Variants in RAD51 observed in about 807,000 individuals in gnomAD.
RAD51 encodes the protein RAD51 recombinase.
RAD51 carries 14 observed loss-of-function variants against 41.5 expected under a neutral mutation model. That is an observed-to-expected ratio of 0.34 (90% CI 0.22 to 0.53). RAD51 has a LOEUF of 0.53. Ranked by LOEUF, RAD51 falls within the 20% of genes least tolerant of loss-of-function variation. The pLI is 0.95. For synonymous variants in RAD51, 136 were observed against 148.6 expected (o/e 0.92, Z 0.62); for missense variants, 234 against 422.0 (o/e 0.55, Z 3.90).
chr15:40,715,201 C>G (rs1221092627), intron 5 of RAD51, among the ~76,000 whole-genome samples: 1 of 151,836 alleles, frequency 6.6e-6, no homozygotes, highest in Non-Finnish European at 1.5e-5. Context: ...ACTAAAAATA[C>G]AAAAATTAGC....
intron 9 of RAD51, 107 bp from the exon 10 acceptor site, chr15:40,730,948 T>C: frequency 7.7e-6 from 11 of 1,435,772 alleles, no homozygotes; most frequent in Non-Finnish European, 9.7e-6. Context: ...CCCAGGGTCC[T>C]TCTAGGAAGA....
At chr15:40,710,241 C>CAAAA (rs71104728) in intron 5 of RAD51, among the ~76,000 whole-genome samples, 43 of 44,300 alleles carry the variant, frequency 9.7e-4, no homozygotes, top group Non-Finnish European at 1.3e-3. Flanking sequence ...GACTCTGTCT[C>CAAAA]AAAAAAAAAA....
At chr15:40,705,948 G>T (rs1895309542) in intron 3 of RAD51, among the ~76,000 whole-genome samples, 1 of 152,064 alleles carries the variant, frequency 6.6e-6, no homozygotes, top group Non-Finnish European at 1.5e-5. Flanking sequence ...ATATTAACTT[G>T]AATTGGCAAT....
chr15:40,725,215 A>G (rs1054181011), intron 6 of RAD51, among the ~76,000 whole-genome samples: 7 of 151,776 alleles, frequency 4.6e-5, no homozygotes, highest in Admixed American at 1.3e-4. Context: ...TTATTTTTGT[A>G]GAGATGAGGT....
chr15:40,729,372 CAAAAAAA>C lies in RAD51; in HGVS notation c.645-114_645-108del, dbSNP rs60375696. The C allele has an allele frequency of 5.2e-3, 2,513 of 483,988 alleles. 40 individuals are homozygous for C. The African/African-American group carries it at 0.075, about 14-fold the overall frequency. The allele number at this position is 483,988 out of a possible 1,614,324, so 30.0% of individuals were successfully genotyped here. A position where few individuals can be genotyped will look rare whatever the true frequency, so the allele number is the denominator to read the frequency against. On this transcript the variant is annotated intron_variant, in intron 7 of 9. Transcript: ENST00000267868. The stretch of plus-strand genomic sequence containing the variant: ...TGGGCGACAGAGCTAGACTCCATCT[CAAAAAAA>C]AAAAAAAAAAAAAAAAAATCTGTAT...
At chr15:40,696,266 A>G (rs1364439923) in intron 1 of RAD51, among the ~76,000 whole-genome samples, 1 of 151,768 alleles carries the variant, frequency 6.6e-6, no homozygotes, top group Non-Finnish European at 1.5e-5. Context: ...ACTGTATACA[A>G]CTCCGTGAAT....
intron 4 of RAD51, among the ~76,000 whole-genome samples, chr15:40,708,744 G>A (rs1444235244): frequency 2.0e-5 from 3 of 149,568 alleles, no homozygotes; most frequent in South Asian, 2.1e-4. Context: ...CACCATGCCC[G>A]GCTAATTTTT....
intron 5 of RAD51, among the ~76,000 whole-genome samples, chr15:40,710,817 A>G (rs1895668345): frequency 6.6e-6 from 1 of 152,158 alleles, no homozygotes; most frequent in African/African-American, 2.4e-5. Context: ...TTCTATCAAT[A>G]TGATTTGGTT....
intron 1 of RAD51, among the ~76,000 whole-genome samples, chr15:40,697,500 G>A (rs1353929079): frequency 4.0e-5 from 6 of 151,324 alleles, no homozygotes; most frequent in African/African-American, 1.5e-4. Context: ...CTGTCCCAAG[G>A]TTGTGAAAAT....
At chr15:40,725,918 G>A (rs929315791) in intron 6 of RAD51, among the ~76,000 whole-genome samples, 6 of 151,926 alleles carry the variant, frequency 3.9e-5, no homozygotes, top group African/African-American at 1.5e-4. Flanking sequence ...CCCAGGAGGC[G>A]GAGGTTGCAG....
chr15:40,729,908 C>T lies in RAD51; in HGVS notation c.830C>T (p.Ala277Val), dbSNP rs532630164. The T allele has an allele frequency of 1.4e-5, 23 of 1,614,052 alleles. No individual in the cohort carries two copies. The highest frequency in any genetic ancestry group is 8.9e-5 in the East Asian group (4 of 44,896). The change falls in exon 9 of 10, where the codon GCG becomes GTG. Residue 277 changes from alanine to valine, a missense_variant. Around this residue, in one of 2 missense-constraint regions of RAD51, gnomAD observed 134 missense variants for 286.5 expected, o/e 0.47. Coordinates refer to ENST00000267868, the MANE Select transcript of RAD51 (RefSeq NM_002875.5). ...GTGGTAGCTCAAGTGGATGGAGCAG[C>T]GATGTTTGCTGCTGATCCCAAAAAA... ...NQVVAQVDGA[A>V]MFAADPKKPI...
intron 7 of RAD51, among the ~76,000 whole-genome samples, chr15:40,729,234 G>T (rs913760694): frequency 6.6e-6 from 1 of 151,936 alleles, no homozygotes; most frequent in Non-Finnish European, 1.5e-5. Context: ...TTAGCTGGGT[G>T]TGGTGGCGGG....
At chr15:40,720,540 G>A (rs1314308729) in intron 6 of RAD51, among the ~76,000 whole-genome samples, 5 of 152,046 alleles carry the variant, frequency 3.3e-5, no homozygotes, top group African/African-American at 9.7e-5. Flanking sequence ...ATGGAAGAAG[G>A]AAAACTATTT....
At chr15:40,722,310 G>A (rs1896318021) in intron 6 of RAD51, among the ~76,000 whole-genome samples, 1 of 151,996 alleles carries the variant, frequency 6.6e-6, no homozygotes, top group Non-Finnish European at 1.5e-5. Context: ...CTACTCTGGC[G>A]GCTGAGGCAG....
chr15:40,730,706 T>C (rs1596029432), intron 9 of RAD51, among the ~76,000 whole-genome samples: 1 of 151,648 alleles, frequency 6.6e-6, no homozygotes, highest in East Asian at 2.0e-4. Context: ...GTATTTTTAG[T>C]AGAGATGGGG....
Position 40,698,845 on chromosome 15 carries a change from G to C in RAD51, c.87G>C (p.Glu29Asp). 1 of 1,613,726 alleles carries C rather than the reference G, an allele frequency of 6.2e-7. No homozygotes were observed. Among genetic ancestry groups the C allele is most frequent in the Non-Finnish European group, 8.5e-7 (1 of 1,179,642 alleles). ...SFGPQPISRLEQCGINANDVK... is the reference protein window; with the variant it reads ...SFGPQPISRLDQCGINANDVK... ...GCCCACAACCCATTTCACGGTTAGA[G>C]GTATGTGGTTAGTTGCTAATTTTGG... The change falls in exon 2 of 10, where the codon GAG becomes GAC. Residue 29 changes from glutamate (E) to aspartate (D), a missense_variant and splice_region_variant. This residue lies in a region of RAD51 where 100 missense variants were observed against 135.5 expected (regional missense o/e 0.74). Coordinates refer to ENST00000267868, the MANE Select transcript of RAD51 (RefSeq NM_002875.5).
At chr15:40,713,994 C>CTTTTTTTTTTTTTT (rs749995356) in intron 5 of RAD51, among the ~76,000 whole-genome samples, 3 of 114,962 alleles carry the variant, frequency 2.6e-5, no homozygotes, top group African/African-American at 6.6e-5. Context: ...GAAATAAATT[C>CTTTTTTTTTTTTTT]TTTTTTTTTT....
chr15:40,702,763 C>A (rs1895082666), intron 3 of RAD51, among the ~76,000 whole-genome samples: 1 of 151,722 alleles, frequency 6.6e-6, no homozygotes, highest in Non-Finnish European at 1.5e-5. Context: ...AGCAATCTGC[C>A]CACCTCAGCC....
intron 6 of RAD51, among the ~76,000 whole-genome samples, chr15:40,726,652 T>C (rs45579836): frequency 0.089 from 13,455 of 151,350 alleles, 626 homozygotes; most frequent in East Asian, 0.13. Flanking sequence ...CGGTGGCTCA[T>C]GCCTGTAATC....
Sources: allele counts gnomAD v4.1 joint callset (sites outside exome capture counted in the v4.1 genomes callset), GRCh38; gene constraint gnomAD v4.1.1; regional missense constraint gnomAD v4.1.1; transcripts MANE v1.5; gene names NCBI Gene and HGNC (gene_info 2026-07-23, HGNC 2026-07-21).